CPNE5: variants seen among roughly 807,000 people sequenced by gnomAD.
CPNE5 encodes copine-5.
In CPNE5, 42 loss-of-function variants were observed where a neutral mutation model predicts 81.1. The observed-to-expected ratio is 0.52, with a 90% confidence interval of 0.40 to 0.67. The LOEUF (loss-of-function observed/expected upper bound fraction) is 0.67, where lower values mean the gene tolerates loss of function less well. Among genes scored for constraint, CPNE5 ranks in the 30% least tolerant of loss-of-function variants. The probability of loss-of-function intolerance (pLI) is 0.00; values close to 1 mark genes in which losing one functional copy is unlikely to be tolerated. For missense variants in CPNE5, 612 were observed against 815.5 expected (o/e 0.75, Z 3.04); for synonymous variants, 313 against 321.5 (o/e 0.97, Z 0.28).
chr6:36,745,592 G>C, intron 16 of CPNE5, 77 bp from the exon 17 acceptor site: 1 of 1,489,824 alleles, frequency 6.7e-7, no homozygotes, highest in Non-Finnish European at 9.0e-7. Context: ...CTGAGTCCAG[G>C]TGGGGAGGCC....
chr6:36,779,178 G>A (rs375709907), intron 8 of CPNE5, among the ~76,000 whole-genome samples: 4 of 152,224 alleles, frequency 2.6e-5, no homozygotes, highest in Admixed American at 2.6e-4. Flanking sequence ...GTGAATCCTA[G>A]CTCTGCCACT....
At chr6:36,768,902 C>T (rs192659709) in intron 10 of CPNE5, among the ~76,000 whole-genome samples, 5 of 152,346 alleles carry the variant, frequency 3.3e-5, no homozygotes, top group Admixed American at 6.5e-5. Flanking sequence ...TGGCTTAACC[C>T]TCAGACACTC....
Position 36,789,197 on chromosome 6 carries a change from G to A in CPNE5, c.528+2836C>T, listed in dbSNP as rs139770672. 3.5e-3 allele frequency among the ~76,000 whole-genome samples: 537 copies of A among 152,348 alleles called. 3 individuals are homozygous for A. Among genetic ancestry groups the A allele is most frequent in the Middle Eastern group, 0.02 (6 of 294 alleles). Reference sequence around the variant, plus strand: ...AGGAGCTGACAATCTCAGGAGGAAGGGAGGGCGCTCCCTGCCCCCGACATA... The same window carrying A: ...AGGAGCTGACAATCTCAGGAGGAAGAGAGGGCGCTCCCTGCCCCCGACATA... On this transcript the variant is annotated intron_variant, in intron 8 of 20. Transcript: ENST00000244751.
chr6:36,821,238 C>T (rs776724645), intron 3 of CPNE5, among the ~76,000 whole-genome samples: 37 of 151,028 alleles, frequency 2.4e-4, no homozygotes, highest in Non-Finnish European at 4.6e-4. Context: ...GGGGGCGGGC[C>T]GTGTGACTGG....
intron 3 of CPNE5, among the ~76,000 whole-genome samples, chr6:36,811,218 C>A (rs1181406750): frequency 2.6e-5 from 4 of 152,102 alleles, no homozygotes; most frequent in Non-Finnish European, 5.9e-5. Flanking sequence ...GCAGTCCCCA[C>A]CCTAAAGGAA....
chr6:36,829,844 G>C (rs1369881725), intron 1 of CPNE5, among the ~76,000 whole-genome samples: 1 of 92,730 alleles, frequency 1.1e-5, no homozygotes, highest in Non-Finnish European at 2.1e-5. Flanking sequence ...TTGAGTGTAG[G>C]AATTGCAAAA....
At chr6:36,834,078 C>CA (rs78536396) in intron 1 of CPNE5, among the ~76,000 whole-genome samples, 19,456 of 147,830 alleles carry the variant, frequency 0.13, 1,487 homozygotes, top group African/African-American at 0.2. Context: ...AACAAACGAA[C>CA]AAAAAAAAAT....
intron 3 of CPNE5, among the ~76,000 whole-genome samples, chr6:36,807,410 T>C (rs1015435245): frequency 6.6e-6 from 1 of 152,224 alleles, no homozygotes; most frequent in Non-Finnish European, 1.5e-5. Flanking sequence ...GCCTAAATGA[T>C]TTGATTTACA....
intron 14 of CPNE5, among the ~76,000 whole-genome samples, chr6:36,752,192 T>C (rs1764914728): frequency 6.6e-6 from 1 of 152,172 alleles, no homozygotes; most frequent in Non-Finnish European, 1.5e-5. Context: ...CTTTGGCAGT[T>C]GCTCCTGCCT....
rs1250869213 is a variant in CPNE5, at chr6:36,743,730, T to G, written c.1522A>C (p.Ile508Leu). Residue 508 changes from isoleucine to leucine, a missense_variant, in exon 20 of 21, where the codon ATC becomes CTC. Coordinates refer to ENST00000244751, the MANE Select transcript of CPNE5 (RefSeq NM_020939.2). ...TCAGCCAGCTTCCCCCGGGAGGAGA[T>G]CCGCACGTCGTCGCCATCCAGCTCC... ...MVELDGDDVR[I>L]SSRGKLAERD... 1 of 1,612,952 alleles carries G rather than the reference T, an allele frequency of 6.2e-7. No individual in the cohort carries two copies. Among genetic ancestry groups the G allele is most frequent in the South Asian group, 1.1e-5 (1 of 91,080 alleles).
Position 36,746,024 on chromosome 6 carries a change from C to T in CPNE5, c.1200+372G>A, listed in dbSNP as rs1049281099. The stretch of plus-strand genomic sequence containing the variant: ...CCAGATGACGCCATGCTCCACATCA[C>T]CCTGGAGATCCACGTCATCCCATCT... On this transcript the variant is annotated intron_variant, in intron 16 of 20. Coordinates refer to ENST00000244751, the MANE Select transcript of CPNE5 (RefSeq NM_020939.2). This position sits in a 1 kb window ranked among gnomAD's most constrained non-coding sequence, Gnocchi z 4.5. The T allele has an allele frequency of 1.4e-5, 4 of 280,922 alleles. No individual in the cohort carries two copies. Among genetic ancestry groups the T allele is most frequent in the African/African-American group, 6.9e-5 (3 of 43,716 alleles). 17.4% of individuals were successfully genotyped at this position (280,922 alleles called of 1,614,324 possible). A position where few individuals can be genotyped will look rare whatever the true frequency, so the allele number is the denominator to read the frequency against.
Position 36,743,772 on chromosome 6 carries a change from G to T in CPNE5, c.1490-10C>A, listed in dbSNP as rs753775756. ...TCCAGCTCCACCATGGCTGTGAGGG[G>T]AGGAGTGTCATGGGGCGGGGTGAGA... On this transcript the variant is annotated splice_polypyrimidine_tract_variant and intron_variant, in intron 19 of 20. Transcript: ENST00000244751. The T allele has an allele frequency of 3.1e-6, 5 of 1,610,346 alleles. No individual in the cohort carries two copies. The Admixed American group carries it at 8.3e-5, about 27-fold the overall frequency.
In CPNE5 at chr6:36,839,313, G is replaced by C. The variant is rs1265779986; in HGVS notation, c.65C>G (p.Ala22Gly). ...EFDSLAGSIP[A>G]TKVEITVSCR... ...GGACACGGTGATCTCCACCTTGGTG[G>C]CCGGGATGCTGCCCGCCAAGGAGTC... Residue 22 changes from alanine to glycine, a missense_variant, in exon 1 of 21, where the codon GCC (alanine) becomes GGC (glycine). Transcript: ENST00000244751. This position sits in a 1 kb window ranked among gnomAD's most constrained non-coding sequence, Gnocchi z 7.3. 1 of 1,550,166 alleles carries C rather than the reference G, an allele frequency of 6.5e-7. No individual in the cohort carries two copies. Among genetic ancestry groups the C allele is most frequent in the South Asian group, 1.2e-5 (1 of 83,836 alleles).
intron 1 of CPNE5, among the ~76,000 whole-genome samples, chr6:36,824,059 T>C (rs236375): frequency 0.81 from 122,715 of 152,170 alleles, 49,671 homozygotes; most frequent in East Asian, 0.98. Flanking sequence ...ATCAGTACAA[T>C]GAGACGGTAG....
intron 13 of CPNE5, chr6:36,755,434 A>G (rs1315569581): frequency 6.6e-6 from 1 of 152,074 alleles, no homozygotes; most frequent in Non-Finnish European, 1.5e-5. Context: ...CAGTATCCTC[A>G]ATACTTCCTC....
At chr6:36,765,238 G>A (rs550796602) in intron 11 of CPNE5, 97 bp downstream of exon 11, 5 of 1,373,440 alleles carry the variant, frequency 3.6e-6, no homozygotes, top group East Asian at 2.4e-5. Flanking sequence ...AGCCACTGCG[G>A]GGGGGAGCCT....
At chr6:36,777,286 T>G (rs1296725459) in intron 9 of CPNE5, among the ~76,000 whole-genome samples, 1 of 150,882 alleles carries the variant, frequency 6.6e-6, no homozygotes, top group Non-Finnish European at 1.5e-5. Flanking sequence ...ACGGCACAGC[T>G]CCAGGGTGGG....
intron 3 of CPNE5, among the ~76,000 whole-genome samples, chr6:36,813,399 C>T (rs1319616849): frequency 3.3e-5 from 5 of 152,128 alleles, no homozygotes; most frequent in African/African-American, 9.7e-5. Flanking sequence ...GGCATGGTGG[C>T]GCATGCCTGT....
chr6:36,763,069 C>A lies in CPNE5; in HGVS notation c.780-77G>T, dbSNP rs147488707. 802 of 1,311,032 alleles carry A rather than the reference C, an allele frequency of 6.1e-4. 8 individuals carry two copies. In the African/African-American group the frequency reaches 0.011, roughly 18 times the overall value. 81.2% of individuals were successfully genotyped at this position (1,311,032 alleles called of 1,614,324 possible). On this transcript the variant is annotated intron_variant, in intron 11 of 20. Coordinates refer to ENST00000244751, the MANE Select transcript of CPNE5 (RefSeq NM_020939.2). ...GCCCAGCCCCAGCCTTGCACACATC[C>A]GTTTCTTTGGCTCCCAATTCTACCT...
Sources: gnomAD v4.1 joint callset for allele counts (sites outside exome capture counted in the v4.1 genomes callset) on GRCh38, gnomAD v4.1.1 for gene constraint, Gnocchi (gnomAD v3.1) non-coding constraint, MANE v1.5 for transcripts, NCBI Gene and HGNC (gene_info 2026-07-23, HGNC 2026-07-21) for gene names.